The following STK39 variants were observed in gnomAD, a reference collection of about 807,000 sequenced individuals.
STK39 encodes serine/threonine kinase 39.
A neutral mutation model predicts 77.8 loss-of-function variants in STK39; 20 were observed. The ratio of observed to expected loss-of-function variants is 0.26; its 90% CI spans 0.18 to 0.37. The LOEUF (loss-of-function observed/expected upper bound fraction) is 0.37, where lower values mean the gene tolerates loss of function less well. Ranked by LOEUF, STK39 falls within the 10% of genes least tolerant of loss-of-function variation. STK39 has a pLI of 1.00. For missense variants in STK39, 479 were observed against 656.5 expected (o/e 0.73, Z 2.95); for synonymous variants, 246 against 234.1 (o/e 1.05, Z -0.47).
intron 1 of STK39, among the ~76,000 whole-genome samples, chr2:168,206,013 T>C (rs182506181): frequency 2.0e-5 from 3 of 152,292 alleles, no homozygotes; most frequent in Non-Finnish European, 2.9e-5. Flanking sequence ...CAGTTCCCTT[T>C]AAACAGATTT....
intron 15 of STK39, among the ~76,000 whole-genome samples, chr2:168,016,742 C>T (rs985980476): frequency 3.3e-5 from 5 of 152,168 alleles, no homozygotes; most frequent in South Asian, 4.1e-4. Flanking sequence ...ATCACATTCA[C>T]CATCATTTCC....
In STK39 at chr2:167,990,659, G is replaced by A. The variant is rs10930301; in HGVS notation, c.1498+21975C>T. Among the ~76,000 whole-genome samples the A allele has an allele frequency of 6.1e-3, 931 of 152,092 alleles. 4 individuals are homozygous for A. The highest frequency in any genetic ancestry group is 0.01 in the Non-Finnish European group (680 of 67,998). ...ACCCCAATTTTTGCTGCTAATAAACGCCAGCAATTTGATTAAAACCCAACA... is the reference window on the plus strand; with the variant it reads ...ACCCCAATTTTTGCTGCTAATAAACACCAGCAATTTGATTAAAACCCAACA... On this transcript the variant is annotated intron_variant, in intron 16 of 17. Coordinates refer to ENST00000355999, the MANE Select transcript of STK39 (RefSeq NM_013233.3).
chr2:168,028,850 T>C (rs1402864890), intron 14 of STK39, among the ~76,000 whole-genome samples: 1 of 152,228 alleles, frequency 6.6e-6, no homozygotes, highest in Non-Finnish European at 1.5e-5. Flanking sequence ...TAAAGGCATC[T>C]ATAAGACATG....
intron 12 of STK39, among the ~76,000 whole-genome samples, chr2:168,072,197 C>T (rs1559083243): frequency 3.3e-5 from 5 of 151,990 alleles, no homozygotes; most frequent in Admixed American, 2.6e-4. Flanking sequence ...AAATGACACG[C>T]TAGATTTTTT....
chr2:168,011,392 G>A (rs1177711412), intron 16 of STK39, among the ~76,000 whole-genome samples: 1 of 151,946 alleles, frequency 6.6e-6, no homozygotes, highest in East Asian at 1.9e-4. Flanking sequence ...TTTTAATAAG[G>A]CATTATCATA....
intron 1 of STK39, among the ~76,000 whole-genome samples, chr2:168,233,297 T>C (rs751296920): frequency 5.3e-5 from 8 of 152,194 alleles, no homozygotes; most frequent in African/African-American, 1.9e-4. Context: ...AAAGGGCATA[T>C]ACAAGGAAAA....
chr2:168,106,167 C>G (rs377393782), intron 10 of STK39, among the ~76,000 whole-genome samples: 4 of 152,334 alleles, frequency 2.6e-5, no homozygotes, highest in African/African-American at 9.6e-5. Context: ...GATACTCAGT[C>G]AGGAGGCAAG....
chr2:168,065,890 A>C (rs1685780336), intron 12 of STK39, among the ~76,000 whole-genome samples: 1 of 152,200 alleles, frequency 6.6e-6, no homozygotes, highest in African/African-American at 2.4e-5. Flanking sequence ...AAAAGATATT[A>C]ATGCTAAAGT....
At chr2:168,232,860 C>T (rs917789784) in intron 1 of STK39, among the ~76,000 whole-genome samples, 12 of 151,736 alleles carry the variant, frequency 7.9e-5, no homozygotes, top group Non-Finnish European at 1.3e-4. Context: ...TGCAGCGAGC[C>T]GAGATCGCGC....
intron 5 of STK39, among the ~76,000 whole-genome samples, chr2:168,153,973 G>A (rs1421187051): frequency 1.3e-5 from 2 of 152,206 alleles, no homozygotes; most frequent in Admixed American, 1.3e-4. Context: ...CAGATGCCGT[G>A]TAGAGAACAG....
chr2:167,967,691 G>A (rs1055501387), intron 16 of STK39, among the ~76,000 whole-genome samples: 4 of 152,200 alleles, frequency 2.6e-5, no homozygotes, highest in African/African-American at 9.6e-5. Context: ...CTGGAGGCAA[G>A]GCAGCGGAGC....
intron 1 of STK39, among the ~76,000 whole-genome samples, chr2:168,221,596 T>C (rs1690171677): frequency 6.6e-6 from 1 of 152,168 alleles, no homozygotes; most frequent in South Asian, 2.1e-4. Context: ...AGTACAACTA[T>C]ATAACATGCT....
chr2:168,063,667 G>A, intron 13 of STK39, 97 bp from the exon 14 acceptor site: 1 of 1,182,612 alleles, frequency 8.5e-7, no homozygotes, highest in South Asian at 1.4e-5. Context: ...ATTTCTTTCT[G>A]GAAATTTCAA....
At chr2:168,075,085 CTCA>C (rs1686043906) in intron 11 of STK39, 21 bp downstream of exon 11, 2 of 1,614,172 alleles carry the variant, frequency 1.2e-6, no homozygotes, top group Non-Finnish European at 1.7e-6. Context: ...CACAGATTAG[CTCA>C]TCGTCAACGA....
chr2:168,023,538 C>T (rs180995057), intron 14 of STK39, among the ~76,000 whole-genome samples: 3 of 152,260 alleles, frequency 2.0e-5, no homozygotes, highest in Non-Finnish European at 2.9e-5. Context: ...TCAGGACAAT[C>T]TGACAGAGTT....
At chr2:167,997,369 A>G (rs1209367761) in intron 16 of STK39, among the ~76,000 whole-genome samples, 1 of 152,072 alleles carries the variant, frequency 6.6e-6, no homozygotes, top group African/African-American at 2.4e-5. Flanking sequence ...GTTTGATAGG[A>G]GGCCAGGTGA....
intron 1 of STK39, among the ~76,000 whole-genome samples, chr2:168,237,728 T>C (rs1181024378): frequency 6.6e-6 from 1 of 152,208 alleles, no homozygotes; most frequent in Non-Finnish European, 1.5e-5. Context: ...TAGAGAGTTT[T>C]CAGTTACAAG....
At chr2:168,147,056 T>C (rs1688157950) in intron 5 of STK39, among the ~76,000 whole-genome samples, 2 of 152,198 alleles carry the variant, frequency 1.3e-5, no homozygotes, top group Admixed American at 1.3e-4. Context: ...TTTTTCTTTA[T>C]TGAGAAGGAA....
At chr2:168,237,757 AT>A (rs960285285) in intron 1 of STK39, among the ~76,000 whole-genome samples, 2 of 151,980 alleles carry the variant, frequency 1.3e-5, no homozygotes, top group Middle Eastern at 3.4e-3. Flanking sequence ...GCTGGGATGG[AT>A]TTTTTTTCCT....
Sources: gnomAD v4.1 joint callset for allele counts (sites outside exome capture counted in the v4.1 genomes callset) on GRCh38, gnomAD v4.1.1 for gene constraint, MANE v1.5 for transcripts, NCBI Gene and HGNC (gene_info 2026-07-23, HGNC 2026-07-21) for gene names.